The following ZFP82 variants were observed in gnomAD, a reference collection of about 807,000 sequenced individuals.
ZFP82 encodes the protein zinc finger protein 82 homolog.
Under a neutral mutation model 54.0 loss-of-function variants are expected in ZFP82, and 30 were observed. The observed-to-expected ratio is 0.56, with a 90% CI of 0.42 to 0.75. The LOEUF is 0.75. ZFP82 is among the 30% of genes least tolerant of loss of function. The pLI is 0.00. For missense variants in ZFP82, 500 were observed against 636.8 expected (o/e 0.79, Z 2.31); for synonymous variants, 194 against 209.5 (o/e 0.93, Z 0.64).
intron 4 of ZFP82, among the ~76,000 whole-genome samples, chr19:36,401,147 G>A (rs1391846522): frequency 6.6e-6 from 1 of 151,152 alleles, no homozygotes; most frequent in East Asian, 1.9e-4. Context: ...GGTCTACAGG[G>A]TGGAGTGACC....
Position 36,389,694 on chromosome 19 carries a change from A to C in ZFP82, c.*3047T>G, listed in dbSNP as rs1274706636. Among the ~76,000 whole-genome samples, 1 of 152,196 alleles carries C rather than the reference A, an allele frequency of 6.6e-6. No homozygotes were observed. The highest frequency in any genetic ancestry group is 2.4e-5 in the African/African-American group (1 of 41,448). On this transcript the variant is annotated 3_prime_UTR_variant, in exon 5 of 5. Coordinates refer to ENST00000392161, the MANE Select transcript of ZFP82 (RefSeq NM_133466.4). ...TTTGTACAATATGTAGAGACATTTT[A>C]TTCCTTCAAATCTTGTATTGACTAT...
intron 1 of ZFP82, 57 bp from the exon 2 acceptor site, chr19:36,409,924 A>G: frequency 1.1e-6 from 1 of 899,564 alleles, no homozygotes; most frequent in Non-Finnish European, 1.8e-6. Flanking sequence ...TCCCCAAATG[A>G]TTTGAGTTAC....
intron 2 of ZFP82, 143 bp from the exon 3 acceptor site, chr19:36,408,156 G>T: frequency 1.2e-6 from 1 of 865,716 alleles, no homozygotes; most frequent in Non-Finnish European, 1.7e-6. Flanking sequence ...AACACAGCGA[G>T]TCAGGAAATG....
chr19:36,393,367 G>A lies in ZFP82; in HGVS notation c.973C>T (p.Leu325Phe). Residue 325 changes from leucine (L) to phenylalanine (F), a missense_variant, in exon 5 of 5, where the codon CTT becomes TTT. Coordinates refer to ENST00000392161, the MANE Select transcript of ZFP82 (RefSeq NM_133466.4). ...CGKAFLCGSG[L>F]RVHHKLHTGE... ...GTATGAAGTTTGTGATGTACTCTAA[G>A]ACCAGAGCCACACAAAAAGGCCTTC... is the stretch of plus-strand genomic sequence containing the variant. 6.2e-7 allele frequency: 1 copy of A among 1,613,964 alleles called. No individual in the cohort carries two copies. The highest frequency in any genetic ancestry group is 2.2e-5 in the East Asian group (1 of 44,860).
At chr19:36,404,781 A>T (rs549587850) in intron 4 of ZFP82, among the ~76,000 whole-genome samples, 40 of 152,348 alleles carry the variant, frequency 2.6e-4, no homozygotes, top group African/African-American at 9.4e-4. Flanking sequence ...CCTAGGCTAC[A>T]CTTCCCAGTC....
At position 36,407,969 on chromosome 19, in the gene ZFP82, T is replaced by C. The variant is rs746973844; in HGVS notation, c.54A>G (p.Glu18=). The C allele has an allele frequency of 1.9e-6, 3 of 1,614,140 alleles. No homozygotes were observed. The highest frequency in any genetic ancestry group is 1.7e-6 in the Non-Finnish European group (2 of 1,179,982). Residue 18 remains glutamate (E), a synonymous_variant, in exon 3 of 5, where the codon GAA becomes GAG. Transcript: ENST00000392161. ...GTTCCAAGTCCAGGTATTCCCACTC[T>C]TCTGGAGAGAAGTCTATGGATACAT... ...FSDVSIDFSP[E]EWEYLDLEQK... is the part of the protein sequence containing the mutation.
intron 1 of ZFP82, among the ~76,000 whole-genome samples, chr19:36,413,129 T>C (rs2032607602): frequency 6.6e-6 from 1 of 152,210 alleles, no homozygotes; most frequent in Non-Finnish European, 1.5e-5. Context: ...GAATAATTTA[T>C]TGGCCAGGCA....
chr19:36,407,244 T>C (rs1024816368), intron 3 of ZFP82, among the ~76,000 whole-genome samples: 6 of 151,020 alleles, frequency 4.0e-5, no homozygotes, highest in Non-Finnish European at 7.4e-5. Flanking sequence ...GCCCGGCTAA[T>C]TTTTTGTATT....
intron 1 of ZFP82, among the ~76,000 whole-genome samples, chr19:36,413,117 A>C (rs746861827): frequency 2.0e-5 from 3 of 152,224 alleles, no homozygotes; most frequent in Non-Finnish European, 4.4e-5. Flanking sequence ...GAGTTCATCA[A>C]AGAATAATTT....
downstream of ZFP82, among the ~76,000 whole-genome samples, chr19:36,385,391 T>C (rs890159032): frequency 5.3e-5 from 8 of 152,218 alleles, no homozygotes; most frequent in African/African-American, 1.4e-4. Context: ...TATTCTGTTA[T>C]AGCAACACAA....
rs58166953 is a variant in ZFP82, at chr19:36,411,864, C to CAAA, written c.-78-2000_-78-1998dup. Among the ~76,000 whole-genome samples, 264 of 119,240 alleles carry CAAA rather than the reference C, an allele frequency of 2.2e-3. 1 individual carries two copies. Among genetic ancestry groups the CAAA allele is most frequent in the African/African-American group, 8.1e-3 (251 of 31,096 alleles). 78.2% of individuals were successfully genotyped at this position (119,240 alleles called of 152,430 possible). ...TGGGCAACAGAGCAAGACCCCGTCTCAAAAAAAAAAAAAAAAGAAAACAGA... is the reference window on the plus strand; with the variant it reads ...TGGGCAACAGAGCAAGACCCCGTCTCAAAAAAAAAAAAAAAAAAAGAAAACAGA... On this transcript the variant is annotated intron_variant, in intron 1 of 4. Transcript: ENST00000392161.
downstream of ZFP82, among the ~76,000 whole-genome samples, chr19:36,386,426 G>A (rs59034745): frequency 0.019 from 2,833 of 152,332 alleles, 99 homozygotes; most frequent in African/African-American, 0.065. Flanking sequence ...CAGAACCACT[G>A]CAGAGAGTCC....
At chr19:36,413,900 ATT>A (rs534093783) in intron 1 of ZFP82, among the ~76,000 whole-genome samples, 5,312 of 138,102 alleles carry the variant, frequency 0.038, 232 homozygotes, top group African/African-American at 0.13. Flanking sequence ...ATCTTCAATA[ATT>A]TTTTTTTTTT....
intron 1 of ZFP82, among the ~76,000 whole-genome samples, chr19:36,413,900 ATTTTT>A (rs534093783): frequency 7.2e-6 from 1 of 138,196 alleles, no homozygotes; most frequent in Non-Finnish European, 1.6e-5. Context: ...ATCTTCAATA[ATTTTT>A]TTTTTTTTTT....
At chr19:36,401,129 C>G (rs1460595300) in intron 4 of ZFP82, among the ~76,000 whole-genome samples, 1 of 145,698 alleles carries the variant, frequency 6.9e-6, no homozygotes, top group African/African-American at 2.7e-5. Context: ...CTCTTTCCCT[C>G]TTTCAAAGGT....
chr19:36,394,074 A>G lies in ZFP82; in HGVS notation c.266T>C (p.Leu89Ser). 1 of 1,610,560 alleles carries G rather than the reference A, an allele frequency of 6.2e-7. No individual in the cohort carries two copies. The highest frequency in any genetic ancestry group is 8.5e-7 in the Non-Finnish European group (1 of 1,179,272). Residue 89 changes from leucine (L) to serine (S), a missense_variant, in exon 5 of 5, where the codon TTA (leucine) becomes TCA (serine). By Grantham distance (145) the Leu-to-Ser change is moderately radical (BLOSUM62 -2). Transcript: ENST00000392161. ...ATTTATTTCATAAATGTCATTTTCT[A>G]AAGATAACTTCTTGGTCTCATACTT... ...ETKYETKKLS[L>S]ENDIYEINLS...
chr19:36,416,546 C>T (rs1437989456), intron 1 of ZFP82, among the ~76,000 whole-genome samples: 2 of 151,596 alleles, frequency 1.3e-5, no homozygotes, highest in African/African-American at 4.9e-5. Context: ...CACCTGAGGT[C>T]GGGAGTTCAA....
chr19:36,397,996 G>A (rs1022723089), intron 4 of ZFP82, among the ~76,000 whole-genome samples: 1 of 152,188 alleles, frequency 6.6e-6, no homozygotes, highest in Non-Finnish European at 1.5e-5. Flanking sequence ...AATAGAGAAT[G>A]TGATCAGACT....
At chr19:36,385,105 A>C (rs1335397090), downstream of ZFP82, among the ~76,000 whole-genome samples, 1 of 152,172 alleles carries the variant, frequency 6.6e-6, no homozygotes, top group Non-Finnish European at 1.5e-5. Context: ...GGGACTGTTA[A>C]GAGGTGATTA....
Sources: gnomAD v4.1 joint callset for allele counts (sites outside exome capture counted in the v4.1 genomes callset) on GRCh38, gnomAD v4.1.1 for gene constraint, MANE v1.5 for transcripts, NCBI Gene and HGNC (gene_info 2026-07-23, HGNC 2026-07-21) for gene names.